Variants in DIAPH3 observed in about 807,000 individuals in gnomAD.
The protein encoded by DIAPH3 is diaphanous related formin 3, also known as protein diaphanous homolog 3.
A neutral mutation model predicts 144.3 loss-of-function variants in DIAPH3; 117 were observed. The ratio of observed to expected loss-of-function variants is 0.81; its 90% confidence interval spans 0.70 to 0.95. The LOEUF is 0.95. Among genes scored for constraint, DIAPH3 ranks in the 40% least tolerant of loss-of-function variants. DIAPH3 has a pLI of 0.00. For missense variants in DIAPH3, 1,421 were observed against 1,412.7 expected, an observed-to-expected ratio of 1.01 and a Z score of -0.09; for synonymous variants, 519 against 488.9, an observed-to-expected ratio of 1.06 and a Z score of -0.81.
At chr13:60,031,847 A>C (rs1465041043) in intron 5 of DIAPH3, among the ~76,000 whole-genome samples, 4 of 145,352 alleles carry the variant, frequency 2.8e-5, no homozygotes, top group African/African-American at 1.0e-4. Context: ...AGGTTCAAGC[A>C]ATTCTCCTGC....
chr13:59,754,576 A>C (rs747097669), intron 27 of DIAPH3, among the ~76,000 whole-genome samples: 2 of 152,198 alleles, frequency 1.3e-5, no homozygotes, highest in Non-Finnish European at 2.9e-5. Context: ...GATCTGCAAA[A>C]GCACCCTTTC....
chr13:59,912,450 T>G (rs1430925701), intron 19 of DIAPH3, among the ~76,000 whole-genome samples: 1 of 152,166 alleles, frequency 6.6e-6, no homozygotes, highest in Non-Finnish European at 1.5e-5. Context: ...ACCTTGCAGA[T>G]AAAAGGCATG....
rs142671099 is a variant in DIAPH3 at position 59,718,528 on chromosome 13, A to G, written c.3320-51682T>C. Among the ~76,000 whole-genome samples the G allele has an allele frequency of 1.9e-3, 287 of 152,318 alleles. 1 individual carries two copies. Among genetic ancestry groups the G allele is most frequent in the Non-Finnish European group, 3.4e-3 (233 of 68,028 alleles). ...ATAGCTACTAAATATAAAGAACTTA[A>G]TGAATTAGGTTAATGTGCCTGTTAA... is the stretch of plus-strand genomic sequence containing the variant. On this transcript the variant is annotated intron_variant, in intron 27 of 27. Transcript: ENST00000400324.
At chr13:59,833,787 C>T (rs1413008638) in intron 23 of DIAPH3, among the ~76,000 whole-genome samples, 2 of 151,616 alleles carry the variant, frequency 1.3e-5, no homozygotes, top group African/African-American at 4.8e-5. Context: ...AATAATATCA[C>T]CAACTCACAG....
At chr13:59,855,437 A>C (rs1866446761) in intron 22 of DIAPH3, among the ~76,000 whole-genome samples, 1 of 152,006 alleles carries the variant, frequency 6.6e-6, no homozygotes, top group Non-Finnish European at 1.5e-5. Flanking sequence ...TTTTAAAAAT[A>C]AATTTAACTT....
chr13:59,735,164 C>A (rs750361676), intron 27 of DIAPH3, among the ~76,000 whole-genome samples: 53 of 151,904 alleles, frequency 3.5e-4, no homozygotes, highest in Non-Finnish European at 6.2e-4. Flanking sequence ...AAAAACAATG[C>A]AATATTATAA....
intron 17 of DIAPH3, among the ~76,000 whole-genome samples, chr13:59,937,431 G>A (rs1471751423): frequency 2.6e-5 from 4 of 152,136 alleles, no homozygotes; most frequent in African/African-American, 7.2e-5. Flanking sequence ...GCATGGTGTC[G>A]AATGGAAAGA....
At chr13:60,101,318 G>A (rs554292670) in intron 3 of DIAPH3, among the ~76,000 whole-genome samples, 16 of 151,966 alleles carry the variant, frequency 1.1e-4, no homozygotes, top group South Asian at 1.0e-3. Context: ...TCTAAAGTCC[G>A]ATTTCCTTGG....
At chr13:59,828,225 C>T (rs1404123193) in intron 24 of DIAPH3, among the ~76,000 whole-genome samples, 2 of 151,992 alleles carry the variant, frequency 1.3e-5, no homozygotes, top group Non-Finnish European at 2.9e-5. Flanking sequence ...TGCTGACCCT[C>T]TATCCTTCAC....
intron 18 of DIAPH3, among the ~76,000 whole-genome samples, chr13:59,918,944 CA>C (rs34985752): frequency 0.51 from 59,674 of 117,120 alleles, 13,835 homozygotes; most frequent in Non-Finnish European, 0.56. Context: ...CAAGAAAATA[CA>C]AAAAAAAAAA....
At chr13:59,829,623 C>T (rs748709151) in intron 24 of DIAPH3, among the ~76,000 whole-genome samples, 1 of 151,942 alleles carries the variant, frequency 6.6e-6, no homozygotes, top group Admixed American at 6.6e-5. Context: ...ACCCATTGAT[C>T]ATCTGTTACT....
intron 20 of DIAPH3, among the ~76,000 whole-genome samples, chr13:59,910,644 G>A (rs759761887): frequency 1.3e-5 from 2 of 151,404 alleles, no homozygotes; most frequent in Non-Finnish European, 1.5e-5. Context: ...CAGGGGAATC[G>A]CTTGAACCTG....
chr13:59,881,130 T>A (rs931786389), intron 20 of DIAPH3, among the ~76,000 whole-genome samples: 6 of 151,968 alleles, frequency 3.9e-5, no homozygotes, highest in Admixed American at 3.9e-4. Flanking sequence ...TGATCACTTA[T>A]CACAAAGACA....
At chr13:59,800,377 G>A (rs1040916478) in intron 25 of DIAPH3, among the ~76,000 whole-genome samples, 16 of 152,098 alleles carry the variant, frequency 1.1e-4, no homozygotes, top group Non-Finnish European at 5.9e-5. Context: ...AGCATAAAAT[G>A]GGAATTATCT....
At chr13:60,029,175 G>A (rs914476973) in intron 5 of DIAPH3, among the ~76,000 whole-genome samples, 4 of 149,618 alleles carry the variant, frequency 2.7e-5, no homozygotes, top group Admixed American at 6.7e-5. Context: ...AAAAAAAACT[G>A]TTATTCTCGA....
intron 3 of DIAPH3, among the ~76,000 whole-genome samples, chr13:60,096,072 C>T (rs2058095914): frequency 6.6e-6 from 1 of 152,108 alleles, no homozygotes; most frequent in Admixed American, 6.5e-5. Context: ...TAGAGTAAGA[C>T]ATATTGATTT....
chr13:60,037,715 T>C (rs923506891), intron 5 of DIAPH3, among the ~76,000 whole-genome samples: 16 of 151,976 alleles, frequency 1.1e-4, no homozygotes, highest in Non-Finnish European at 1.8e-4. Context: ...AAAAGTAGCA[T>C]AAATTAAAAA....
chr13:59,835,976 A>C (rs1872786159), intron 23 of DIAPH3, among the ~76,000 whole-genome samples: 1 of 151,918 alleles, frequency 6.6e-6, no homozygotes, highest in Non-Finnish European at 1.5e-5. Context: ...ATAACACACA[A>C]AAAAAGTGTG....
intron 2 of DIAPH3, among the ~76,000 whole-genome samples, chr13:60,116,934 C>T (rs117582214): frequency 6.6e-6 from 1 of 152,006 alleles, no homozygotes; most frequent in Non-Finnish European, 1.5e-5. Context: ...AGGTTGAATA[C>T]GTTGGTTTAA....
Sources: gnomAD v4.1 joint callset for allele counts (sites outside exome capture counted in the v4.1 genomes callset) on GRCh38, gnomAD v4.1.1 for gene constraint, MANE v1.5 for transcripts, NCBI Gene and HGNC (gene_info 2026-07-23, HGNC 2026-07-21) for gene names.